GPC6: variants seen among roughly 807,000 people sequenced by gnomAD.
The protein encoded by GPC6 is glypican 6.
Under a neutral mutation model 55.2 loss-of-function variants are expected in GPC6, and 14 were observed. That is an observed-to-expected ratio of 0.25 (90% CI 0.17 to 0.40). GPC6 has a LOEUF of 0.40. Ranked by LOEUF, GPC6 falls within the 10% of genes least tolerant of loss-of-function variation. The pLI is 1.00. For synonymous variants in GPC6, 278 were observed against 259.6 expected, an observed-to-expected ratio of 1.07 and a Z score of -0.68; for missense variants, 641 against 708.5, an observed-to-expected ratio of 0.90 and a Z score of 1.08.
chr13:93,711,442 G>A (rs956239871), intron 2 of GPC6, among the ~76,000 whole-genome samples: 1 of 151,758 alleles, frequency 6.6e-6, no homozygotes, highest in Non-Finnish European at 1.5e-5. Context: ...CACAGGACAC[G>A]TGGGAATGAT....
At chr13:93,904,331 A>T (rs894214790) in intron 3 of GPC6, among the ~76,000 whole-genome samples, 3 of 152,204 alleles carry the variant, frequency 2.0e-5, no homozygotes, top group African/African-American at 7.2e-5. Context: ...ATGCATCTTT[A>T]TGAGAACCTA....
At chr13:93,394,735 G>T (rs1020857827) in intron 1 of GPC6, among the ~76,000 whole-genome samples, 2 of 152,128 alleles carry the variant, frequency 1.3e-5, no homozygotes, top group Non-Finnish European at 2.9e-5. Flanking sequence ...GAGTCATTTA[G>T]TAATCACTGG....
chr13:93,398,647 G>A (rs1398315583), intron 1 of GPC6, among the ~76,000 whole-genome samples: 1 of 152,134 alleles, frequency 6.6e-6, no homozygotes, highest in African/African-American at 2.4e-5. Flanking sequence ...CAGCTAGCAT[G>A]CACTGAACAC....
At chr13:93,974,014 T>G (rs1430898066) in intron 3 of GPC6, among the ~76,000 whole-genome samples, 1 of 152,202 alleles carries the variant, frequency 6.6e-6, no homozygotes, top group Non-Finnish European at 1.5e-5. Context: ...CCCTGGAGTA[T>G]TCTAGCTTTC....
At chr13:93,495,219 A>G (rs1880213856) in intron 1 of GPC6, among the ~76,000 whole-genome samples, 1 of 137,210 alleles carries the variant, frequency 7.3e-6, no homozygotes, top group Non-Finnish European at 1.6e-5. Context: ...GGCTTTGCTC[A>G]TTTCTTTTTA....
At position 93,540,699 on chromosome 13, in the gene GPC6, C is replaced by T. The variant is rs75423964; in HGVS notation, c.161-4564C>T. Among the ~76,000 whole-genome samples, 4 of 152,090 alleles carry T rather than the reference C, an allele frequency of 2.6e-5. No individual in the cohort carries two copies. The East Asian group carries it at 5.8e-4, about 22-fold the overall frequency. On this transcript the variant is annotated intron_variant, in intron 1 of 8. Transcript: ENST00000377047. ...TCTTTGTGCTGGGAACATTCAATAT[C>T]CTCTTTCTAGCATTTTGAAACTATG...
At chr13:93,583,338 TTGTG>T (rs34034260) in intron 2 of GPC6, among the ~76,000 whole-genome samples, 1 of 151,456 alleles carries the variant, frequency 6.6e-6, no homozygotes, top group South Asian at 2.1e-4. Context: ...GTAATGCACA[TTGTG>T]TGTGTGTGTG....
intron 3 of GPC6, among the ~76,000 whole-genome samples, chr13:93,976,618 A>G (rs1375927118): frequency 1.3e-5 from 2 of 151,102 alleles, no homozygotes; most frequent in African/African-American, 2.4e-5. Flanking sequence ...CGTAGCAGAC[A>G]AGAGACTGCA....
rs75605351 is a variant in GPC6, at chr13:93,395,444, T to C, written c.161-149819T>C. On this transcript the variant is annotated intron_variant, in intron 1 of 8. Coordinates refer to ENST00000377047, the MANE Select transcript of GPC6 (RefSeq NM_005708.5). ...AGCAAAGCCCCATTTCTTGCCACTG[T>C]CTTGGTCAATCATTATTTCAATCAC... 1,286 of 244,420 alleles carry C rather than the reference T, an allele frequency of 5.3e-3. 18 individuals carry two copies. The highest frequency in any genetic ancestry group is 0.014 in the Admixed American group (327 of 23,126). The allele number at this position is 244,420 out of a possible 1,614,324, so 15.1% of individuals were successfully genotyped here.
At chr13:94,061,306 G>A (rs1884314197) in intron 4 of GPC6, among the ~76,000 whole-genome samples, 1 of 151,986 alleles carries the variant, frequency 6.6e-6, no homozygotes, top group African/African-American at 2.4e-5. Flanking sequence ...CATAAAACAG[G>A]GAGCATTTTA....
At position 93,983,085 on chromosome 13, in the gene GPC6, T is replaced by G. The variant is rs151148821; in HGVS notation, c.712-44644T>G. On this transcript the variant is annotated intron_variant, in intron 3 of 8. Coordinates refer to ENST00000377047, the MANE Select transcript of GPC6 (RefSeq NM_005708.5). ...TTTTGCAAACTTTGACCAGAATTCA[T>G]GAAGGAATAAATATATATTTATAAG... Among the ~76,000 whole-genome samples, 856 of 152,268 alleles carry G rather than the reference T, an allele frequency of 5.6e-3. 9 individuals are homozygous for G. The highest frequency in any genetic ancestry group is 0.019 in the African/African-American group (791 of 41,540).
intron 1 of GPC6, among the ~76,000 whole-genome samples, chr13:93,504,692 T>G (rs74108571): frequency 0.014 from 2,147 of 151,936 alleles, 45 homozygotes; most frequent in African/African-American, 0.049. Context: ...ATAATTATTC[T>G]TAAAAAGAAA....
chr13:93,525,853 A>G (rs537521638), intron 1 of GPC6, among the ~76,000 whole-genome samples: 104 of 152,240 alleles, frequency 6.8e-4, no homozygotes, highest in African/African-American at 2.5e-3. Flanking sequence ...TGAATAAATG[A>G]ATTAATAAAG....
rs138754936 is a variant in GPC6, at chr13:93,804,707, C to T, written c.320-25447C>T. 3.9e-4 allele frequency among the ~76,000 whole-genome samples: 59 copies of T among 152,244 alleles called. No homozygotes were observed. In the East Asian group the frequency reaches 9.7e-3, roughly 25 times the overall value. ...AGATATACAAATTCTGTCTACTCTT[C>T]GCCTATCCCAAATCAACCACCAGGA... On this transcript the variant is annotated intron_variant, in intron 2 of 8. Transcript: ENST00000377047.
chr13:94,068,485 G>A (rs1332909903), intron 4 of GPC6, among the ~76,000 whole-genome samples: 6 of 151,972 alleles, frequency 3.9e-5, no homozygotes, highest in Admixed American at 6.6e-5. Context: ...AAAACCAACC[G>A]TGCCTTCCCA....
At chr13:93,515,588 C>T (rs756983813) in intron 1 of GPC6, among the ~76,000 whole-genome samples, 6 of 152,140 alleles carry the variant, frequency 3.9e-5, no homozygotes, top group Non-Finnish European at 7.3e-5. Context: ...GGCAATACCA[C>T]TTACCTCATA....
intron 3 of GPC6, among the ~76,000 whole-genome samples, chr13:93,835,107 A>G (rs1008591799): frequency 5.9e-5 from 9 of 152,192 alleles, no homozygotes; most frequent in African/African-American, 9.6e-5. Context: ...AAATGACTAT[A>G]GTGTCTTCAC....
intron 1 of GPC6, among the ~76,000 whole-genome samples, chr13:93,260,125 T>C (rs1877091611): frequency 1.3e-5 from 2 of 152,132 alleles, no homozygotes; most frequent in African/African-American, 4.8e-5. Context: ...GACCAATTCA[T>C]ATCGAGAAAA....
At chr13:93,268,599 G>C in intron 1 of GPC6, among the ~76,000 whole-genome samples, 1 of 152,084 alleles carries the variant, frequency 6.6e-6, no homozygotes. Flanking sequence ...AAAGAGAGTA[G>C]TGGAATGCCT....
Sources: allele counts gnomAD v4.1 joint callset (sites outside exome capture counted in the v4.1 genomes callset), GRCh38; gene constraint gnomAD v4.1.1; transcripts MANE v1.5; gene names NCBI Gene and HGNC (gene_info 2026-07-23, HGNC 2026-07-21).